Variants in AJAP1 observed in about 807,000 individuals in gnomAD.
AJAP1 encodes the protein adherens junctions associated protein 1.
AJAP1 carries 5 observed loss-of-function variants against 35.0 expected under a neutral mutation model. That is an observed-to-expected ratio of 0.14 (90% confidence interval 0.07 to 0.30). AJAP1 has a LOEUF of 0.30. AJAP1 is among the 10% of genes least tolerant of loss of function. The probability of loss-of-function intolerance (pLI) is 1.00; values close to 1 mark genes in which losing one functional copy is unlikely to be tolerated. For synonymous variants in AJAP1, 284 were observed against 249.3 expected, an observed-to-expected ratio of 1.14 and a Z score of -1.31; for missense variants, 586 against 571.0, an observed-to-expected ratio of 1.03 and a Z score of -0.27.
At chr1:4,740,952 G>A (rs1046302866) in intron 2 of AJAP1, among the ~76,000 whole-genome samples, 4 of 152,016 alleles carry the variant, frequency 2.6e-5, no homozygotes, top group African/African-American at 9.7e-5. Flanking sequence ...TCATCCTCAC[G>A]AAGACTTGGG....
At chr1:4,752,674 T>C (rs1641345052) in intron 2 of AJAP1, among the ~76,000 whole-genome samples, 1 of 152,210 alleles carries the variant, frequency 6.6e-6, no homozygotes, top group African/African-American at 2.4e-5. Flanking sequence ...ACCAGGACTG[T>C]CTTGCTCCCC....
At chr1:4,760,862 C>T (rs1176609622) in intron 2 of AJAP1, among the ~76,000 whole-genome samples, 6 of 152,240 alleles carry the variant, frequency 3.9e-5, no homozygotes, top group Non-Finnish European at 8.8e-5. Context: ...TCATGCCATA[C>T]ATAAAGTGCC....
intron 2 of AJAP1, among the ~76,000 whole-genome samples, chr1:4,751,723 G>C (rs1641324636): frequency 2.0e-5 from 3 of 152,188 alleles, no homozygotes; most frequent in Admixed American, 2.0e-4. Flanking sequence ...ACCGATGATG[G>C]CAGTTTGTCC....
intron 1 of AJAP1, among the ~76,000 whole-genome samples, chr1:4,686,510 G>A (rs1353017811): frequency 1.3e-5 from 2 of 152,098 alleles, no homozygotes; most frequent in East Asian, 1.9e-4. Flanking sequence ...ATAGTTATTC[G>A]GCTTCAATAA....
chr1:4,711,884 T>C lies in AJAP1; in HGVS notation c.30-16T>C, dbSNP rs1640248860. The C allele has an allele frequency of 2.1e-6, 3 of 1,448,248 alleles. No homozygotes were observed. The highest frequency in any genetic ancestry group is 2.7e-5 in the East Asian group (1 of 36,582). 89.7% of individuals were successfully genotyped at this position (1,448,248 alleles called of 1,614,324 possible). A position where few individuals can be genotyped will look rare whatever the true frequency, so the allele number is the denominator to read the frequency against. ...GCTTCCACTGACCGCTCTTCTCTCC[T>C]TTCCCCCCCGCACAGCTCCATGTCC... is the stretch of plus-strand genomic sequence containing the variant. On this transcript the variant is annotated splice_polypyrimidine_tract_variant and intron_variant, in intron 1 of 5. Transcript: ENST00000378191.
chr1:4,684,194 G>A (rs751492024), intron 1 of AJAP1, among the ~76,000 whole-genome samples: 2 of 152,158 alleles, frequency 1.3e-5, no homozygotes, highest in African/African-American at 2.4e-5. Context: ...TGTGCAGGGC[G>A]GGAATGCATC....
At chr1:4,687,800 C>T (rs1318273126) in intron 1 of AJAP1, among the ~76,000 whole-genome samples, 1 of 152,210 alleles carries the variant, frequency 6.6e-6, no homozygotes, top group East Asian at 1.9e-4. Context: ...TCCATCCATT[C>T]ATCCATCCAT....
At chr1:4,722,508 T>A (rs1055561976) in intron 2 of AJAP1, among the ~76,000 whole-genome samples, 2 of 152,244 alleles carry the variant, frequency 1.3e-5, no homozygotes, top group African/African-American at 4.8e-5. Flanking sequence ...CCTTCATCTG[T>A]GTGTGAGTCC....
At chr1:4,701,006 G>T (rs1308107438) in intron 1 of AJAP1, among the ~76,000 whole-genome samples, 3 of 152,212 alleles carry the variant, frequency 2.0e-5, no homozygotes, top group Non-Finnish European at 4.4e-5. Flanking sequence ...CCACCGTCCT[G>T]CCCACACACT....
intron 3 of AJAP1, among the ~76,000 whole-genome samples, chr1:4,770,650 A>G (rs74051975): frequency 0.035 from 5,354 of 152,250 alleles, 319 homozygotes; most frequent in African/African-American, 0.12. Context: ...TCATAGAATA[A>G]CAGACCCAAA....
At chr1:4,729,918 C>T (rs190229325) in intron 2 of AJAP1, among the ~76,000 whole-genome samples, 1 of 152,168 alleles carries the variant, frequency 6.6e-6, no homozygotes, top group South Asian at 2.1e-4. Flanking sequence ...CAGGCACTTG[C>T]GTGAGGACGT....
At chr1:4,774,639 C>A in intron 5 of AJAP1, 81 bp downstream of exon 5, 1 of 774,592 alleles carries the variant, frequency 1.3e-6, no homozygotes, top group Non-Finnish European at 2.1e-6. Flanking sequence ...TCTTTGGGAT[C>A]ACTGGGAGCT....
intron 2 of AJAP1, among the ~76,000 whole-genome samples, chr1:4,745,373 C>G (rs553323196): frequency 6.6e-6 from 1 of 152,058 alleles, no homozygotes; most frequent in South Asian, 2.1e-4. Flanking sequence ...CTTTCTCCCC[C>G]ATTACCAGCC....
Position 4,669,120 on chromosome 1 carries a change from G to A in AJAP1, c.29+13666G>A, listed in dbSNP as rs538702149. Reference sequence around the variant, plus strand: ...AAAGTGTAAACTTCAGTGACATTTCGTGTGTTCACAATGTTGTGCAACCAT... The same window carrying A: ...AAAGTGTAAACTTCAGTGACATTTCATGTGTTCACAATGTTGTGCAACCAT... On this transcript the variant is annotated intron_variant, in intron 1 of 5. Transcript: ENST00000378191. 5.3e-5 allele frequency among the ~76,000 whole-genome samples: 8 copies of A among 152,274 alleles called. No individual in the cohort carries two copies. In the East Asian group the frequency reaches 9.7e-4, roughly 18 times the overall value.
chr1:4,770,945 G>A (rs145540130), intron 3 of AJAP1, among the ~76,000 whole-genome samples: 2 of 151,940 alleles, frequency 1.3e-5, no homozygotes, highest in Non-Finnish European at 2.9e-5. Flanking sequence ...AGAACAACAC[G>A]GAGCTCACAG....
chr1:4,662,183 T>C (rs1639014233), intron 1 of AJAP1, among the ~76,000 whole-genome samples: 1 of 152,208 alleles, frequency 6.6e-6, no homozygotes, highest in Non-Finnish European at 1.5e-5. Context: ...ACTATTGCCA[T>C]GGTCCAGTTT....
Position 4,774,503 on chromosome 1 carries a change from G to T in AJAP1, c.*4G>T. 1 of 1,613,940 alleles carries T rather than the reference G, an allele frequency of 6.2e-7. No homozygotes were observed. The highest frequency in any genetic ancestry group is 8.5e-7 in the Non-Finnish European group (1 of 1,179,902). ...ATGGTTTGAAATCTCCTGCTGACTGGCCGAAGTCTTTTTTACCTCCTGGGG... is the reference window on the plus strand; with the variant it reads ...ATGGTTTGAAATCTCCTGCTGACTGTCCGAAGTCTTTTTTACCTCCTGGGG... On this transcript the variant is annotated 3_prime_UTR_variant, in exon 5 of 6. Coordinates refer to ENST00000378191, the MANE Select transcript of AJAP1 (RefSeq NM_018836.4).
intron 2 of AJAP1, among the ~76,000 whole-genome samples, chr1:4,727,126 C>A (rs553210535): frequency 1.3e-5 from 2 of 152,224 alleles, no homozygotes; most frequent in East Asian, 1.9e-4. Flanking sequence ...GGAGCTGGGG[C>A]GCACACAGCT....
intron 1 of AJAP1, among the ~76,000 whole-genome samples, chr1:4,695,437 G>A (rs895787610): frequency 2.0e-5 from 3 of 152,176 alleles, no homozygotes; most frequent in African/African-American, 4.8e-5. Context: ...ACCAAGGTGG[G>A]CCCGTGCTTG....
Sources: allele counts gnomAD v4.1 joint callset (sites outside exome capture counted in the v4.1 genomes callset), GRCh38; gene constraint gnomAD v4.1.1; transcripts MANE v1.5; gene names NCBI Gene and HGNC (gene_info 2026-07-23, HGNC 2026-07-21).